The following MAGI2 variants were observed in gnomAD, a reference collection of about 807,000 sequenced individuals.
The protein encoded by MAGI2 is membrane associated guanylate kinase, WW and PDZ domain containing 2.
A neutral mutation model predicts 133.3 loss-of-function variants in MAGI2; 35 were observed. The observed-to-expected ratio is 0.26, with a 90% confidence interval of 0.20 to 0.35. The LOEUF is 0.35. MAGI2 is among the 10% of genes least tolerant of loss of function. MAGI2 has a pLI of 1.00. For missense variants in MAGI2, 1,636 were observed against 1,863.4 expected (o/e 0.88, Z 2.25); for synonymous variants, 729 against 710.6 (o/e 1.03, Z -0.41).
intron 6 of MAGI2, among the ~76,000 whole-genome samples, chr7:78,488,142 C>T (rs1236530270): frequency 6.6e-6 from 1 of 151,870 alleles, no homozygotes; most frequent in East Asian, 1.9e-4. Context: ...AGCAGTTGAC[C>T]AAGTTACAAA....
intron 6 of MAGI2, among the ~76,000 whole-genome samples, chr7:78,461,704 G>C (rs1790037745): frequency 6.6e-6 from 1 of 151,710 alleles, no homozygotes. Context: ...CTGAGGTCGG[G>C]AGTCCGAGAG....
At chr7:78,565,490 A>T (rs1340726847) in intron 3 of MAGI2, among the ~76,000 whole-genome samples, 1 of 151,608 alleles carries the variant, frequency 6.6e-6, no homozygotes, top group Non-Finnish European at 1.5e-5. Context: ...AAAAAAAAAG[A>T]TAAGAATTAA....
In MAGI2 at chr7:78,967,363, A is replaced by T. The variant is rs548829796; in HGVS notation, c.418+39727T>A. Reference sequence around the variant, plus strand: ...ACTTTCAATATTGACTCCTTATAGGATATATGGCTTGCATGCATTTTCTCT... The same window carrying T: ...ACTTTCAATATTGACTCCTTATAGGTTATATGGCTTGCATGCATTTTCTCT... On this transcript the variant is annotated intron_variant, in intron 2 of 21. Transcript: ENST00000354212. Among the ~76,000 whole-genome samples the T allele has an allele frequency of 5.3e-5, 8 of 152,120 alleles. No individual in the cohort carries two copies. In the South Asian group the frequency reaches 1.2e-3, roughly 24 times the overall value.
At chr7:78,369,293 G>T in intron 6 of MAGI2, 80 bp from the exon 7 acceptor site, 2 of 1,026,866 alleles carry the variant, frequency 1.9e-6, no homozygotes, top group Non-Finnish European at 2.9e-6. Flanking sequence ...ATTGTTCATG[G>T]ATTGCAGAAA....
rs77912282 is a variant in MAGI2 at position 78,967,390 on chromosome 7, A to T, written c.418+39700T>A. 9.1e-3 allele frequency among the ~76,000 whole-genome samples: 1,385 copies of T among 152,006 alleles called. 29 individuals carry two copies. The highest frequency in any genetic ancestry group is 0.032 in the African/African-American group (1,329 of 41,476). ...ATATGGCTTGCATGCATTTTCTCTCATTCCCTAGGAGGTCTTTTTATTGTG... is the reference window on the plus strand; with the variant it reads ...ATATGGCTTGCATGCATTTTCTCTCTTTCCCTAGGAGGTCTTTTTATTGTG... On this transcript the variant is annotated intron_variant, in intron 2 of 21. Transcript: ENST00000354212.
chr7:78,787,427 A>C (rs2151358980), intron 2 of MAGI2, among the ~76,000 whole-genome samples: 1 of 152,306 alleles, frequency 6.6e-6, no homozygotes, highest in South Asian at 2.1e-4. Context: ...ACACATGAGA[A>C]AATAGAGTCA....
intron 3 of MAGI2, among the ~76,000 whole-genome samples, chr7:78,537,204 C>G (rs1563139823): frequency 6.7e-6 from 1 of 149,602 alleles, no homozygotes; most frequent in East Asian, 2.1e-4. Context: ...CACACACACA[C>G]ACAGACACAT....
At chr7:79,442,854 T>G in intron 1 of MAGI2, among the ~76,000 whole-genome samples, 1 of 152,098 alleles carries the variant, frequency 6.6e-6, no homozygotes, top group East Asian at 1.9e-4. Context: ...TTGGAACATT[T>G]TAGTGACCCT....
intron 10 of MAGI2, chr7:78,253,243 GAAAC>G (rs1792611666): frequency 6.6e-6 from 1 of 152,076 alleles, no homozygotes; most frequent in African/African-American, 2.4e-5. Context: ...AGCCATAAAA[GAAAC>G]AAACACTTAA....
At position 78,148,048 on chromosome 7, in the gene MAGI2, G is replaced by C. The variant is rs148568100; in HGVS notation, c.2845+11977C>G. Among the ~76,000 whole-genome samples the C allele has an allele frequency of 3.5e-3, 533 of 152,174 alleles. 3 individuals are homozygous for C. Among genetic ancestry groups the C allele is most frequent in the Non-Finnish European group, 6.4e-3 (437 of 68,008 alleles). On this transcript the variant is annotated intron_variant, in intron 16 of 21. Coordinates refer to ENST00000354212, the MANE Select transcript of MAGI2 (RefSeq NM_012301.4). ...TCCTACACCTAGATATTTACCAAGT[G>C]AAATAAAACCAATTTCCACACACAA...
intron 9 of MAGI2, among the ~76,000 whole-genome samples, chr7:78,274,877 C>T (rs904512536): frequency 1.3e-5 from 2 of 152,166 alleles, no homozygotes; most frequent in Non-Finnish European, 2.9e-5. Flanking sequence ...TTGCTGGGCT[C>T]TGTGGGGGTG....
At chr7:79,344,576 G>T (rs1250863608) in intron 1 of MAGI2, among the ~76,000 whole-genome samples, 2 of 152,092 alleles carry the variant, frequency 1.3e-5, no homozygotes, top group African/African-American at 4.8e-5. Flanking sequence ...AAACAAAGGT[G>T]CAAAAATAAG....
intron 1 of MAGI2, among the ~76,000 whole-genome samples, chr7:79,198,616 G>A (rs978164286): frequency 2.6e-5 from 4 of 152,100 alleles, no homozygotes; most frequent in East Asian, 3.9e-4. Flanking sequence ...TAGGCCGGGC[G>A]CAGTGGCTCA....
intron 2 of MAGI2, among the ~76,000 whole-genome samples, chr7:78,778,070 A>G (rs1826122394): frequency 6.6e-6 from 1 of 152,164 alleles, no homozygotes; most frequent in Non-Finnish European, 1.5e-5. Flanking sequence ...CTCATAATGA[A>G]TCATCCCAGT....
chr7:79,041,125 G>T (rs955433876), intron 1 of MAGI2, among the ~76,000 whole-genome samples: 5 of 152,020 alleles, frequency 3.3e-5, no homozygotes, highest in East Asian at 1.9e-4. Context: ...AAAGTACTGG[G>T]ATTACAAATG....
intron 2 of MAGI2, among the ~76,000 whole-genome samples, chr7:78,804,422 T>C (rs1788334248): frequency 1.3e-5 from 2 of 149,382 alleles, no homozygotes; most frequent in Non-Finnish European, 3.0e-5. Flanking sequence ...GGAATATTAA[T>C]AAACAAAATA....
At chr7:78,086,255 T>G (rs1583834838) in intron 20 of MAGI2, among the ~76,000 whole-genome samples, 1 of 135,938 alleles carries the variant, frequency 7.4e-6, no homozygotes, top group Admixed American at 7.6e-5. Context: ...TTTTTTTTTT[T>G]GAGATGGAGT....
intron 1 of MAGI2, among the ~76,000 whole-genome samples, chr7:79,305,287 T>C (rs1229816558): frequency 6.6e-6 from 1 of 152,160 alleles, no homozygotes; most frequent in African/African-American, 2.4e-5. Context: ...ATGAGCTCAG[T>C]CACTTCAACA....
chr7:78,651,554 C>T (rs972510248), intron 2 of MAGI2, among the ~76,000 whole-genome samples: 5 of 151,944 alleles, frequency 3.3e-5, no homozygotes, highest in Non-Finnish European at 7.4e-5. Context: ...ATTAGAAACC[C>T]TCCCAGAAAA....
Sources: gnomAD v4.1 joint callset for allele counts (sites outside exome capture counted in the v4.1 genomes callset) on GRCh38, gnomAD v4.1.1 for gene constraint, MANE v1.5 for transcripts, NCBI Gene and HGNC (gene_info 2026-07-23, HGNC 2026-07-21) for gene names.